The following BCAS3 variants were observed in gnomAD, a reference collection of about 807,000 sequenced individuals.
The protein encoded by BCAS3 is BCAS4/BCAS3 fusion.
Under a neutral mutation model 116.1 loss-of-function variants are expected in BCAS3, and 53 were observed. That is an observed-to-expected ratio of 0.46 (90% CI 0.37 to 0.57). The LOEUF is 0.57. Ranked by LOEUF, BCAS3 falls within the 20% of genes least tolerant of loss-of-function variation. BCAS3 has a pLI of 0.00. For missense variants in BCAS3, 917 were observed against 1,165.4 expected, an observed-to-expected ratio of 0.79 and a Z score of 3.10; for synonymous variants, 391 against 408.2, an observed-to-expected ratio of 0.96 and a Z score of 0.51.
intron 9 of BCAS3, among the ~76,000 whole-genome samples, chr17:60,886,666 C>G (rs2056665805): frequency 6.6e-6 from 1 of 151,886 alleles, no homozygotes; most frequent in Admixed American, 6.6e-5. Flanking sequence ...TTCTAACAGA[C>G]AGGACCCTCA....
At chr17:60,700,209 A>C (rs2036212244) in intron 4 of BCAS3, among the ~76,000 whole-genome samples, 1 of 151,288 alleles carries the variant, frequency 6.6e-6, no homozygotes, top group African/African-American at 2.5e-5. Flanking sequence ...TCTTACGTGA[A>C]GTTTGGTGAG....
rs2076315695 is a variant in BCAS3 at position 61,131,098 on chromosome 17, A to C, written c.2425+46534A>C. On this transcript the variant is annotated intron_variant, in intron 22 of 23. Transcript: ENST00000407086. The surrounding 1 kb of genome is among the most constrained non-coding windows in gnomAD (Gnocchi z 4.4). The stretch of plus-strand genomic sequence containing the variant: ...AAGATGTTGGAGACCTAGGTTCTAG[A>C]GTAAACTCTGCCACTACCTAGCTAG... Among the ~76,000 whole-genome samples the C allele has an allele frequency of 6.6e-6, 1 of 152,172 alleles. No homozygotes were observed. The highest frequency in any genetic ancestry group is 2.4e-5 in the African/African-American group (1 of 41,444).
In BCAS3 at chr17:60,995,477, A is replaced by T. The variant is rs2063779951; in HGVS notation, c.1486+5242A>T. Among the ~76,000 whole-genome samples, 1 of 150,780 alleles carries T rather than the reference A, an allele frequency of 6.6e-6. No individual in the cohort carries two copies. Among genetic ancestry groups the T allele is most frequent in the Non-Finnish European group, 1.5e-5 (1 of 67,676 alleles). On this transcript the variant is annotated intron_variant, in intron 15 of 23. Transcript: ENST00000407086. The surrounding 1 kb of genome is among the most constrained non-coding windows in gnomAD (Gnocchi z 4.7). ...GCGCCCAGCCGAATTTTTGTATTTTAAGTAGAGACTGGGTTTCACAATGTT... is the reference window on the plus strand; with the variant it reads ...GCGCCCAGCCGAATTTTTGTATTTTTAGTAGAGACTGGGTTTCACAATGTT...
At chr17:60,807,241 GTTTA>G (rs2144619677) in intron 6 of BCAS3, among the ~76,000 whole-genome samples, 1 of 151,960 alleles carries the variant, frequency 6.6e-6, no homozygotes, top group East Asian at 1.9e-4. Flanking sequence ...AGTTATGAGA[GTTTA>G]TTTTTTTCAT....
chr17:61,142,743 A>C (rs1251821014), intron 22 of BCAS3, among the ~76,000 whole-genome samples: 1 of 152,104 alleles, frequency 6.6e-6, no homozygotes, highest in African/African-American at 2.4e-5. Context: ...GGAGGAGGGA[A>C]GTGGATTTGG....
chr17:60,980,280 C>T (rs1453007782), intron 14 of BCAS3, among the ~76,000 whole-genome samples: 1 of 152,180 alleles, frequency 6.6e-6, no homozygotes, highest in African/African-American at 2.4e-5. Flanking sequence ...TCAGTTTCTA[C>T]ACATCCTCAC....
intron 12 of BCAS3, among the ~76,000 whole-genome samples, chr17:60,911,963 T>A (rs575177240): frequency 9.2e-5 from 14 of 152,310 alleles, no homozygotes; most frequent in Admixed American, 8.5e-4. Flanking sequence ...TCTGTAATTT[T>A]AAAAATCTAG....
chr17:60,719,478 G>A (rs538789601), intron 5 of BCAS3, among the ~76,000 whole-genome samples: 1 of 152,310 alleles, frequency 6.6e-6, no homozygotes, highest in South Asian at 2.1e-4. Context: ...TTTTTGATGA[G>A]TATGTTTAGA....
chr17:61,067,273 G>GTGTGTGTATA (rs1251223420), intron 19 of BCAS3, among the ~76,000 whole-genome samples: 32 of 58,786 alleles, frequency 5.4e-4, no homozygotes, highest in African/African-American at 2.6e-3. Flanking sequence ...GTGTGTATGT[G>GTGTGTGTATA]TATATATATA....
intron 22 of BCAS3, among the ~76,000 whole-genome samples, chr17:61,179,353 A>C (rs2079339353): frequency 6.6e-6 from 1 of 151,042 alleles, no homozygotes; most frequent in Non-Finnish European, 1.5e-5. Flanking sequence ...GGATAGAAAA[A>C]TTTCATTGTC....
At chr17:60,868,828 ACT>A (rs1358753099) in intron 8 of BCAS3, 145 bp downstream of exon 8, 2 of 493,004 alleles carry the variant, frequency 4.1e-6, no homozygotes, top group Non-Finnish European at 7.0e-6. Context: ...CAGTGGAATA[ACT>A]CTAAGATTTC....
intron 7 of BCAS3, among the ~76,000 whole-genome samples, chr17:60,833,980 T>TA (rs2051159446): frequency 6.6e-6 from 1 of 152,144 alleles, no homozygotes; most frequent in Admixed American, 6.6e-5. Flanking sequence ...TAAGTTATAT[T>TA]TCACTATAAA....
In BCAS3 at chr17:61,023,811, C is replaced by T. The variant is rs980613311; in HGVS notation, c.1637+7910C>T. 6.6e-6 allele frequency among the ~76,000 whole-genome samples: 1 copy of T among 152,022 alleles called. No homozygotes were observed. The highest frequency in any genetic ancestry group is 2.4e-5 in the African/African-American group (1 of 41,408). On this transcript the variant is annotated intron_variant, in intron 16 of 23. Transcript: ENST00000407086. The surrounding 1 kb of genome is among the most constrained non-coding windows in gnomAD (Gnocchi z 4.8). ...ATTTCTGGATTTTTAGTCTCTTGACCAGATTTTCCTGAGATTTGAAAATCA... is the reference window on the plus strand; with the variant it reads ...ATTTCTGGATTTTTAGTCTCTTGACTAGATTTTCCTGAGATTTGAAAATCA...
rs1403920793 is a variant in BCAS3, at chr17:61,134,028, A to G, written c.2425+49464A>G. The stretch of plus-strand genomic sequence containing the variant: ...AGAGATGAAAGCATTTGAAGACTGC[A>G]AAGTAATTTTAAATTGAGGGATGTA... On this transcript the variant is annotated intron_variant, in intron 22 of 23. Transcript: ENST00000407086. The surrounding 1 kb of genome is among the most constrained non-coding windows in gnomAD (Gnocchi z 4.6). Among the ~76,000 whole-genome samples the G allele has an allele frequency of 6.6e-6, 1 of 152,202 alleles. No homozygotes were observed. The highest frequency in any genetic ancestry group is 2.4e-5 in the African/African-American group (1 of 41,458).
At chr17:61,359,449 A>G (rs1295004392) in intron 22 of BCAS3, among the ~76,000 whole-genome samples, 1 of 151,814 alleles carries the variant, frequency 6.6e-6, no homozygotes, top group African/African-American at 2.4e-5. Context: ...CAAGGAAACA[A>G]TAGAAAAAAA....
intron 22 of BCAS3, among the ~76,000 whole-genome samples, chr17:61,306,579 C>A (rs574934546): frequency 6.6e-6 from 1 of 152,252 alleles, no homozygotes; most frequent in Admixed American, 6.5e-5. Context: ...GAGTTCAAGA[C>A]AAGTCTCGGC....
intron 5 of BCAS3, among the ~76,000 whole-genome samples, chr17:60,714,216 C>A (rs1369964897): frequency 2.0e-5 from 3 of 152,176 alleles, no homozygotes; most frequent in Non-Finnish European, 4.4e-5. Context: ...AGTCCTCCTG[C>A]CGTGGCCTCC....
rs552909497 is a variant in BCAS3 at position 61,186,945 on chromosome 17, C to T, written c.2425+102381C>T. Among the ~76,000 whole-genome samples the T allele has an allele frequency of 2.6e-5, 4 of 152,226 alleles. No homozygotes were observed. The highest frequency in any genetic ancestry group is 2.0e-4 in the Admixed American group (3 of 15,282). On this transcript the variant is annotated intron_variant, in intron 22 of 23. Coordinates refer to ENST00000407086, the MANE Select transcript of BCAS3 (RefSeq NM_017679.5). This position sits in a 1 kb window ranked among gnomAD's most constrained non-coding sequence, Gnocchi z 4.9. ...CAGGATGGTCTCGATCTCCTGACCT[C>T]GTGATCCACCCACCTCGGCCTCCCA...
rs1325470883 is a variant in BCAS3, at chr17:61,326,781, A to G, written c.2426-41546A>G. Among the ~76,000 whole-genome samples, 3 of 152,178 alleles carry G rather than the reference A, an allele frequency of 2.0e-5. No individual in the cohort carries two copies. Among genetic ancestry groups the G allele is most frequent in the African/African-American group, 7.2e-5 (3 of 41,446 alleles). ...AGATGTTAAATCTACAGTCAGATCT[A>G]TGGGTCTTCAGCACAGAAGAGGTGT... On this transcript the variant is annotated intron_variant, in intron 22 of 23. Transcript: ENST00000407086. The surrounding 1 kb of genome is among the most constrained non-coding windows in gnomAD (Gnocchi z 5.3).
Sources: gnomAD v4.1 joint callset for allele counts (sites outside exome capture counted in the v4.1 genomes callset) on GRCh38, gnomAD v4.1.1 for gene constraint, Gnocchi (gnomAD v3.1) non-coding constraint, MANE v1.5 for transcripts, NCBI Gene and HGNC (gene_info 2026-07-23, HGNC 2026-07-21) for gene names.